Variants in ELMO1 observed in about 807,000 individuals in gnomAD.
ELMO1 encodes engulfment and cell motility protein 1.
A neutral mutation model predicts 98.9 loss-of-function variants in ELMO1; 26 were observed. The ratio of observed to expected loss-of-function variants is 0.26; its 90% CI spans 0.19 to 0.36. The LOEUF (loss-of-function observed/expected upper bound fraction) is 0.36. ELMO1 is among the 10% of genes least tolerant of loss of function. The pLI is 1.00. For synonymous variants in ELMO1, 346 were observed against 346.0 expected (o/e 1.00, Z 0.00); for missense variants, 627 against 935.2 (o/e 0.67, Z 4.30).
At chr7:36,921,213 G>A (rs939917845) in intron 16 of ELMO1, among the ~76,000 whole-genome samples, 17 of 152,186 alleles carry the variant, frequency 1.1e-4, no homozygotes, top group African/African-American at 4.1e-4. Flanking sequence ...TCTAAGGTAC[G>A]CTGTGACAGT....
chr7:37,017,034 C>T (rs1793981687), intron 15 of ELMO1, among the ~76,000 whole-genome samples: 1 of 152,204 alleles, frequency 6.6e-6, no homozygotes, highest in African/African-American at 2.4e-5. Flanking sequence ...ACAGCTTCAC[C>T]TATTAATGCT....
At chr7:37,387,571 TG>T (rs1357996155) in intron 1 of ELMO1, among the ~76,000 whole-genome samples, 2 of 152,098 alleles carry the variant, frequency 1.3e-5, no homozygotes, top group Admixed American at 1.3e-4. Flanking sequence ...TCTAAGGGCC[TG>T]GGGGGTTAGT....
chr7:37,014,648 C>T (rs186373033), intron 15 of ELMO1, among the ~76,000 whole-genome samples: 2 of 152,088 alleles, frequency 1.3e-5, no homozygotes, highest in East Asian at 3.9e-4. Flanking sequence ...CCAACTGGCC[C>T]CGGTGTGTGT....
chr7:37,254,791 G>A (rs1339373506), intron 6 of ELMO1, among the ~76,000 whole-genome samples: 1 of 152,212 alleles, frequency 6.6e-6, no homozygotes, highest in African/African-American at 2.4e-5. Context: ...ATATTAATGA[G>A]TGTGATACTC....
intron 1 of ELMO1, among the ~76,000 whole-genome samples, chr7:37,395,606 A>G (rs1803264601): frequency 6.6e-6 from 1 of 152,098 alleles, no homozygotes; most frequent in Admixed American, 6.5e-5. Context: ...GCAGTAATAA[A>G]AAGCTGAACT....
chr7:37,047,637 C>T (rs1311717466), intron 15 of ELMO1, among the ~76,000 whole-genome samples: 2 of 152,204 alleles, frequency 1.3e-5, no homozygotes, highest in Non-Finnish European at 2.9e-5. Flanking sequence ...AGTTAAATGC[C>T]ATAAAGCGTA....
chr7:36,897,172 A>C (rs1183935875), intron 16 of ELMO1, among the ~76,000 whole-genome samples: 1 of 152,164 alleles, frequency 6.6e-6, no homozygotes, highest in Non-Finnish European at 1.5e-5. Flanking sequence ...TGACCAATCA[A>C]AATCCTTCCC....
intron 15 of ELMO1, among the ~76,000 whole-genome samples, chr7:37,082,985 G>A (rs1002587656): frequency 1.3e-5 from 2 of 152,194 alleles, no homozygotes; most frequent in Non-Finnish European, 2.9e-5. Flanking sequence ...TAATGTAGTG[G>A]TTACAGTCAG....
chr7:37,145,442 G>C (rs965834382), intron 13 of ELMO1, among the ~76,000 whole-genome samples: 6 of 152,180 alleles, frequency 3.9e-5, no homozygotes, highest in African/African-American at 1.4e-4. Context: ...TCAGAAACAG[G>C]AATTATAATT....
intron 1 of ELMO1, among the ~76,000 whole-genome samples, chr7:37,392,776 T>C (rs1222555549): frequency 6.6e-6 from 1 of 152,258 alleles, no homozygotes; most frequent in Non-Finnish European, 1.5e-5. Flanking sequence ...GGAAATCTGC[T>C]AGTCTGAGTA....
At chr7:37,305,445 A>AGTGT (rs147003634) in intron 4 of ELMO1, among the ~76,000 whole-genome samples, 17,527 of 122,778 alleles carry the variant, frequency 0.14, 1,178 homozygotes, top group South Asian at 0.26. Context: ...CAGTACAGAT[A>AGTGT]GTGTGTGTGT....
chr7:36,880,010 A>T (rs1196416441), intron 18 of ELMO1, among the ~76,000 whole-genome samples: 1 of 152,222 alleles, frequency 6.6e-6, no homozygotes, highest in Non-Finnish European at 1.5e-5. Context: ...CTTTCTGAAC[A>T]TCAACAGTGC....
chr7:37,064,044 C>T (rs894411589), intron 15 of ELMO1, among the ~76,000 whole-genome samples: 1 of 152,126 alleles, frequency 6.6e-6, no homozygotes, highest in Non-Finnish European at 1.5e-5. Context: ...TATAGAGGAG[C>T]TCCATGGGCT....
At chr7:37,084,260 G>C (rs1783639274) in intron 15 of ELMO1, among the ~76,000 whole-genome samples, 1 of 152,310 alleles carries the variant, frequency 6.6e-6, no homozygotes, top group Admixed American at 6.5e-5. Context: ...TGTTGTTTGA[G>C]AGGTTTCAGG....
intron 14 of ELMO1, among the ~76,000 whole-genome samples, chr7:37,108,098 C>A (rs1394193470): frequency 2.0e-5 from 3 of 152,116 alleles, no homozygotes; most frequent in Non-Finnish European, 4.4e-5. Context: ...AGAAATTAGG[C>A]CATAAGTTGT....
intron 2 of ELMO1, among the ~76,000 whole-genome samples, chr7:37,325,962 A>C (rs1343512974): frequency 6.6e-6 from 1 of 152,146 alleles, no homozygotes; most frequent in Admixed American, 6.5e-5. Context: ...TCTTCCAATG[A>C]TCCTACCACC....
intron 1 of ELMO1, among the ~76,000 whole-genome samples, chr7:37,415,102 G>A (rs1340592253): frequency 6.6e-6 from 1 of 152,198 alleles, no homozygotes; most frequent in Non-Finnish European, 1.5e-5. Flanking sequence ...TTCATGGCAA[G>A]TAAGCTGATT....
chr7:37,319,965 G>A (rs995209341), intron 2 of ELMO1, among the ~76,000 whole-genome samples: 5 of 152,066 alleles, frequency 3.3e-5, no homozygotes, highest in South Asian at 2.1e-4. Flanking sequence ...CAATAAAAGT[G>A]TAAGTCCCAG....
At chr7:37,042,323 G>GA (rs1554399225) in intron 15 of ELMO1, among the ~76,000 whole-genome samples, 1 of 151,272 alleles carries the variant, frequency 6.6e-6, no homozygotes, top group Non-Finnish European at 1.5e-5. Flanking sequence ...CAGAGCCATG[G>GA]TTTTTTTTTA....
Sources: allele counts gnomAD v4.1 joint callset (sites outside exome capture counted in the v4.1 genomes callset), GRCh38; gene constraint gnomAD v4.1.1; transcripts MANE v1.5; gene names NCBI Gene and HGNC (gene_info 2026-07-23, HGNC 2026-07-21).